Variants in IMMP2L observed in about 807,000 individuals in gnomAD.
The protein encoded by IMMP2L is inner mitochondrial membrane peptidase subunit 2.
A neutral mutation model predicts 19.3 loss-of-function variants in IMMP2L; 18 were observed. The ratio of observed to expected loss-of-function variants is 0.93; its 90% CI spans 0.64 to 1.38. The LOEUF (loss-of-function observed/expected upper bound fraction) is 1.38, where lower values mean the gene tolerates loss of function less well. Among genes scored for constraint, IMMP2L ranks in the 40% most tolerant of loss-of-function variants. The pLI is 0.00. For synonymous variants in IMMP2L, 76 were observed against 73.0 expected, an observed-to-expected ratio of 1.04 and a Z score of -0.21; for missense variants, 233 against 218.2, an observed-to-expected ratio of 1.07 and a Z score of -0.43.
At chr7:111,493,213 A>G (rs1235693497) in intron 2 of IMMP2L, among the ~76,000 whole-genome samples, 28 of 152,182 alleles carry the variant, frequency 1.8e-4, no homozygotes, top group Non-Finnish European at 4.4e-5. Flanking sequence ...AAATAGTTGA[A>G]TAGGGCTTTG....
chr7:111,018,293 T>C (rs1339195099), intron 3 of IMMP2L, among the ~76,000 whole-genome samples: 2 of 152,170 alleles, frequency 1.3e-5, no homozygotes, highest in Non-Finnish European at 2.9e-5. Flanking sequence ...TCAGTATTAA[T>C]GGGACAAGTG....
chr7:111,086,599 G>A (rs1796363853), intron 3 of IMMP2L, among the ~76,000 whole-genome samples: 1 of 152,186 alleles, frequency 6.6e-6, no homozygotes, highest in Non-Finnish European at 1.5e-5. Context: ...ACAGTCAGTA[G>A]TACTACTACT....
At position 111,560,447 on chromosome 7, in the gene IMMP2L, A is replaced by G. The variant is rs544085798; in HGVS notation, c.-3+1404T>C. 1.3e-4 allele frequency among the ~76,000 whole-genome samples: 20 copies of G among 152,348 alleles called. 1 individual carries two copies. Among genetic ancestry groups the G allele is most frequent in the African/African-American group, 4.6e-4 (19 of 41,590 alleles). On this transcript the variant is annotated intron_variant, in intron 1 of 5. Transcript: ENST00000405709. ...TGGAACAACTACAAAAGTTATCCTC[A>G]TCTAATTATTATACTCGTACACTGG...
chr7:111,521,515 A>G (rs1472648623), intron 1 of IMMP2L, 66 bp from the exon 2 acceptor site: 13 of 1,445,938 alleles, frequency 9.0e-6, no homozygotes, highest in Non-Finnish European at 9.4e-6. Context: ...AGACATAAAA[A>G]CAGTACATGA....
At chr7:111,161,282 T>C (rs969192423) in intron 3 of IMMP2L, among the ~76,000 whole-genome samples, 4 of 151,670 alleles carry the variant, frequency 2.6e-5, no homozygotes, top group African/African-American at 7.3e-5. Context: ...AAAATGACAA[T>C]AGAACAAAAA....
At chr7:110,753,753 G>GTGT (rs1233722854) in intron 5 of IMMP2L, among the ~76,000 whole-genome samples, 22,391 of 147,018 alleles carry the variant, frequency 0.15, 2,612 homozygotes, top group African/African-American at 0.35. Context: ...GTGAGTGTGG[G>GTGT]GTGTGTGTGT....
intron 5 of IMMP2L, among the ~76,000 whole-genome samples, chr7:110,676,968 G>A (rs1792342566): frequency 6.6e-6 from 1 of 152,162 alleles, no homozygotes; most frequent in Non-Finnish European, 1.5e-5. Flanking sequence ...AGCTTCTACT[G>A]TGACGTCACG....
In IMMP2L at chr7:111,501,114, A is replaced by C. The variant is rs1242458435; in HGVS notation, c.136-13773T>G. On this transcript the variant is annotated intron_variant, in intron 2 of 5. Coordinates refer to ENST00000405709, the MANE Select transcript of IMMP2L (RefSeq NM_032549.4). ...AATGGATACCTAGAATAACCAATGC[A>C]GAGAAGTCCTTAAAGGAGCTGATGG... is the stretch of plus-strand genomic sequence containing the variant. 9.2e-5 allele frequency among the ~76,000 whole-genome samples: 14 copies of C among 152,304 alleles called. No homozygotes were observed. The East Asian group carries it at 1.9e-3, about 21-fold the overall frequency.
chr7:110,805,893 C>T (rs1010845670), intron 5 of IMMP2L, among the ~76,000 whole-genome samples: 1 of 151,838 alleles, frequency 6.6e-6, no homozygotes. Flanking sequence ...CCCAAGCACA[C>T]AATTTATACA....
At chr7:111,167,597 T>C (rs1181828323) in intron 3 of IMMP2L, among the ~76,000 whole-genome samples, 1 of 151,928 alleles carries the variant, frequency 6.6e-6, no homozygotes, top group Non-Finnish European at 1.5e-5. Context: ...GCAGTTTCCC[T>C]TACCTTTAGT....
At chr7:111,300,953 C>T (rs1031284168) in intron 3 of IMMP2L, among the ~76,000 whole-genome samples, 2 of 152,050 alleles carry the variant, frequency 1.3e-5, no homozygotes, top group South Asian at 2.1e-4. Flanking sequence ...CAGATAAATA[C>T]ACAAGAGTGC....
chr7:111,453,766 T>C (rs1361859824), intron 3 of IMMP2L, among the ~76,000 whole-genome samples: 2 of 152,140 alleles, frequency 1.3e-5, no homozygotes, highest in Non-Finnish European at 2.9e-5. Context: ...ACGGCAAAAC[T>C]CAATCCTTCC....
intron 3 of IMMP2L, among the ~76,000 whole-genome samples, chr7:111,271,694 C>CT (rs1252725342): frequency 6.6e-6 from 1 of 152,086 alleles, no homozygotes; most frequent in African/African-American, 2.4e-5. Flanking sequence ...ACACAGATGC[C>CT]TGCCATGACT....
chr7:111,036,023 A>G lies in IMMP2L; in HGVS notation c.240-72458T>C, dbSNP rs144887504. On this transcript the variant is annotated intron_variant, in intron 3 of 5. Coordinates refer to ENST00000405709, the MANE Select transcript of IMMP2L (RefSeq NM_032549.4). ...CAATGTGCTTAAAACAGAGCCTAGCACATAGGAAGTTCTATAACTTTTAGT... is the reference window on the plus strand; with the variant it reads ...CAATGTGCTTAAAACAGAGCCTAGCGCATAGGAAGTTCTATAACTTTTAGT... Among the ~76,000 whole-genome samples, 830 of 152,316 alleles carry G rather than the reference A, an allele frequency of 5.4e-3. 5 individuals are homozygous for G. The highest frequency in any genetic ancestry group is 7.7e-3 in the Admixed American group (118 of 15,302).
intron 4 of IMMP2L, among the ~76,000 whole-genome samples, chr7:110,943,810 C>T (rs764459248): frequency 2.6e-5 from 4 of 151,950 alleles, no homozygotes; most frequent in Non-Finnish European, 5.9e-5. Flanking sequence ...ATCCTCATCC[C>T]CTTTGCTATG....
At chr7:111,196,454 C>T (rs547877897) in intron 3 of IMMP2L, among the ~76,000 whole-genome samples, 36 of 152,228 alleles carry the variant, frequency 2.4e-4, no homozygotes, top group African/African-American at 8.2e-4. Flanking sequence ...TTCTCTAAAG[C>T]ATCTTACAAT....
chr7:111,160,446 A>G (rs1805129772), intron 3 of IMMP2L, among the ~76,000 whole-genome samples: 1 of 152,014 alleles, frequency 6.6e-6, no homozygotes, highest in Non-Finnish European at 1.5e-5. Context: ...TAAAATTTAA[A>G]TCATACATGT....
intron 3 of IMMP2L, among the ~76,000 whole-genome samples, chr7:111,184,019 T>C (rs1378679527): frequency 2.0e-5 from 3 of 152,016 alleles, no homozygotes; most frequent in East Asian, 3.9e-4. Context: ...GTCACAATAA[T>C]AGGGACAATA....
At chr7:111,326,210 T>C (rs1488698480) in intron 3 of IMMP2L, among the ~76,000 whole-genome samples, 5 of 151,770 alleles carry the variant, frequency 3.3e-5, no homozygotes, top group South Asian at 2.1e-4. Flanking sequence ...TAGTTCATCA[T>C]AATACCTCAA....
Sources: allele counts gnomAD v4.1 joint callset (sites outside exome capture counted in the v4.1 genomes callset), GRCh38; gene constraint gnomAD v4.1.1; transcripts MANE v1.5; gene names NCBI Gene and HGNC (gene_info 2026-07-23, HGNC 2026-07-21).